SYNPR: variants seen among roughly 807,000 people sequenced by gnomAD.
SYNPR encodes the protein synaptoporin.
A neutral mutation model predicts 32.9 loss-of-function variants in SYNPR; 23 were observed. The observed-to-expected ratio is 0.70, with a 90% confidence interval of 0.50 to 0.99. SYNPR has a LOEUF of 0.99. SYNPR is among the 50% of genes least tolerant of loss of function. The probability of loss-of-function intolerance (pLI) is 0.00; values close to 1 mark genes in which losing one functional copy is unlikely to be tolerated. For synonymous variants in SYNPR, 146 were observed against 135.9 expected (o/e 1.07, Z -0.52); for missense variants, 318 against 349.3 (o/e 0.91, Z 0.71).
At chr3:63,602,257 A>G (rs1700055686) in intron 4 of SYNPR, among the ~76,000 whole-genome samples, 1 of 152,180 alleles carries the variant, frequency 6.6e-6, no homozygotes, top group African/African-American at 2.4e-5. Context: ...CTTTTGACAG[A>G]TGCACAGTCT....
chr3:63,536,302 A>G (rs963529263), intron 3 of SYNPR, among the ~76,000 whole-genome samples: 1 of 152,162 alleles, frequency 6.6e-6, no homozygotes, highest in African/African-American at 2.4e-5. Flanking sequence ...TAAAATGGGC[A>G]AAGAACTTGA....
At chr3:63,481,062 G>T in intron 3 of SYNPR, 106 bp downstream of exon 3, 6 of 1,452,260 alleles carry the variant, frequency 4.1e-6, no homozygotes, top group Non-Finnish European at 5.5e-6. Flanking sequence ...TGGGTAAACA[G>T]AAAGTATTCT....
At chr3:63,295,808 G>A (rs1447679915) in intron 2 of SYNPR, among the ~76,000 whole-genome samples, 2 of 152,218 alleles carry the variant, frequency 1.3e-5, no homozygotes, top group Non-Finnish European at 2.9e-5. Flanking sequence ...GAGATTAGAT[G>A]TTTCCCACAG....
intron 1 of SYNPR, among the ~76,000 whole-genome samples, chr3:63,237,551 C>T (rs576375192): frequency 3.3e-5 from 5 of 151,836 alleles, no homozygotes; most frequent in South Asian, 4.2e-4. Flanking sequence ...GCGTTGGCAT[C>T]GGCTGGTTGT....
At chr3:63,502,296 T>G (rs1401882557) in intron 3 of SYNPR, among the ~76,000 whole-genome samples, 1 of 152,026 alleles carries the variant, frequency 6.6e-6, no homozygotes, top group Non-Finnish European at 1.5e-5. Flanking sequence ...AGATTTCTCA[T>G]AATCCCCCTT....
In SYNPR at chr3:63,480,848, C is replaced by T. The variant is rs778998962; in HGVS notation, c.101C>T (p.Ala34Val). Reference protein sequence around the residue: ...RALELLFAIFAFATCGGYSGG... With the variant: ...RALELLFAIFVFATCGGYSGG... ...TCTCCACAGCTTTTTGCAATCTTTGCATTTGCAACATGCGGTGGCTATTCT... is the reference window on the plus strand; with the variant it reads ...TCTCCACAGCTTTTTGCAATCTTTGTATTTGCAACATGCGGTGGCTATTCT... Residue 34 changes from alanine (A) to valine (V), a missense_variant, in exon 3 of 6, where the codon GCA becomes GTA. Transcript: ENST00000478300. 6.2e-7 allele frequency: 1 copy of T among 1,613,314 alleles called. No individual in the cohort carries two copies. The highest frequency in any genetic ancestry group is 1.1e-5 in the South Asian group (1 of 90,970).
At chr3:63,230,707 T>C (rs2086160208) in intron 1 of SYNPR, among the ~76,000 whole-genome samples, 1 of 152,170 alleles carries the variant, frequency 6.6e-6, no homozygotes, top group Non-Finnish European at 1.5e-5. Flanking sequence ...TGACCTCACC[T>C]GAGCCTCAAT....
intron 2 of SYNPR, among the ~76,000 whole-genome samples, chr3:63,475,695 A>G (rs1046474721): frequency 3.9e-5 from 6 of 151,990 alleles, no homozygotes; most frequent in African/African-American, 1.5e-4. Flanking sequence ...TAGTTCCTCT[A>G]TCTCACTTAT....
At chr3:63,497,964 C>A (rs906853538) in intron 3 of SYNPR, among the ~76,000 whole-genome samples, 2 of 151,990 alleles carry the variant, frequency 1.3e-5, no homozygotes, top group Non-Finnish European at 2.9e-5. Flanking sequence ...TTTTATAATG[C>A]TTTTTAGAAG....
At chr3:63,548,480 G>C (rs867284688) in intron 3 of SYNPR, among the ~76,000 whole-genome samples, 1 of 152,084 alleles carries the variant, frequency 6.6e-6, no homozygotes, top group African/African-American at 2.4e-5. Context: ...GAGTAAGTAA[G>C]AGTGTATGTG....
At chr3:63,282,310 A>C (rs983655245) in intron 2 of SYNPR, among the ~76,000 whole-genome samples, 1 of 152,202 alleles carries the variant, frequency 6.6e-6, no homozygotes, top group Non-Finnish European at 1.5e-5. Context: ...ATAAGCAATC[A>C]GTTGCTTTTA....
chr3:63,460,729 A>G (rs1344815290), intron 2 of SYNPR, among the ~76,000 whole-genome samples: 1 of 152,112 alleles, frequency 6.6e-6, no homozygotes, highest in Admixed American at 6.6e-5. Flanking sequence ...CTTAGAATCT[A>G]TCTGGCAGGC....
At chr3:63,419,711 G>A (rs1224369982) in intron 2 of SYNPR, among the ~76,000 whole-genome samples, 7 of 152,156 alleles carry the variant, frequency 4.6e-5, no homozygotes, top group African/African-American at 1.7e-4. Context: ...AGTGGGTCAG[G>A]GAAGTTAGAG....
At chr3:63,325,752 C>G (rs2087159105) in intron 2 of SYNPR, among the ~76,000 whole-genome samples, 1 of 152,042 alleles carries the variant, frequency 6.6e-6, no homozygotes, top group African/African-American at 2.4e-5. Context: ...TCGGTGGAAA[C>G]TGTCCATCCA....
At chr3:63,557,828 A>G (rs1702620282) in intron 4 of SYNPR, among the ~76,000 whole-genome samples, 1 of 152,218 alleles carries the variant, frequency 6.6e-6, no homozygotes, top group East Asian at 1.9e-4. Flanking sequence ...ATGCTGAATC[A>G]TGTACTATTC....
intron 2 of SYNPR, among the ~76,000 whole-genome samples, chr3:63,438,000 G>A (rs1225333672): frequency 6.6e-6 from 1 of 152,136 alleles, no homozygotes; most frequent in Admixed American, 6.5e-5. Flanking sequence ...TGCCTAAAGG[G>A]GAGCATGCTT....
chr3:63,595,032 C>G (rs72889245), intron 4 of SYNPR, among the ~76,000 whole-genome samples: 1 of 152,028 alleles, frequency 6.6e-6, no homozygotes, highest in Non-Finnish European at 1.5e-5. Context: ...TCTTGGATGT[C>G]GGAAAGAAAA....
intron 2 of SYNPR, among the ~76,000 whole-genome samples, chr3:63,435,011 TA>T (rs1221015943): frequency 6.6e-6 from 1 of 152,076 alleles, no homozygotes; most frequent in Non-Finnish European, 1.5e-5. Context: ...ACCAGAAGAG[TA>T]GATAATTATA....
intron 2 of SYNPR, among the ~76,000 whole-genome samples, chr3:63,395,813 C>CT (rs910970801): frequency 4.3e-4 from 65 of 149,658 alleles, no homozygotes; most frequent in African/African-American, 6.1e-4. Flanking sequence ...CTTAAATGTT[C>CT]TTTTTTTTTT....
Sources: allele counts gnomAD v4.1 joint callset (sites outside exome capture counted in the v4.1 genomes callset), GRCh38; gene constraint gnomAD v4.1.1; transcripts MANE v1.5; gene names NCBI Gene and HGNC (gene_info 2026-07-23, HGNC 2026-07-21).